The following LOC122539214 variants were observed in gnomAD, a reference collection of about 807,000 sequenced individuals.
the LOC122539214 span, among the ~76,000 whole-genome samples, chr19:52,676,774 C>T: frequency 1.4e-5 from 2 of 139,112 alleles, no homozygotes; most frequent in African/African-American, 5.6e-5. Flanking sequence ...TCATTTTGTT[C>T]TGCACTAAGA....
At chr19:52,676,916 T>C in the LOC122539214 span, among the ~76,000 whole-genome samples, 2 of 137,830 alleles carry the variant, frequency 1.5e-5, no homozygotes, top group Non-Finnish European at 3.1e-5. Flanking sequence ...GTTAAACAGA[T>C]GCTTGAAGGC....
the LOC122539214 span, chr19:52,652,081 C>T: frequency 5.0e-5 from 12 of 239,634 alleles, no homozygotes; most frequent in South Asian, 7.4e-4. Flanking sequence ...CACACCTATT[C>T]CATTTGTAAG....
chr19:52,688,309 T>C, the LOC122539214 span, among the ~76,000 whole-genome samples: 1 of 151,732 alleles, frequency 6.6e-6, no homozygotes, highest in East Asian at 1.9e-4. Flanking sequence ...TAGCTGGGAT[T>C]ACAGGTGCGC....
chr19:52,650,619 T>A, the LOC122539214 span: 1 of 152,206 alleles, frequency 6.6e-6, no homozygotes, highest in African/African-American at 2.4e-5. Context: ...TTGTGCCCTC[T>A]AATATAAATT....
the LOC122539214 span, among the ~76,000 whole-genome samples, chr19:52,659,930 C>T: frequency 5.3e-5 from 8 of 152,232 alleles, no homozygotes; most frequent in East Asian, 9.7e-4. Context: ...CGGTAACTCA[C>T]GCCTGTAATC....
chr19:52,650,997 T>C, the LOC122539214 span: 1 of 152,196 alleles, frequency 6.6e-6, no homozygotes, highest in Admixed American at 6.5e-5. Context: ...CCTTAGAAGG[T>C]AGATTAGGTT....
At chr19:52,659,969 G>T in the LOC122539214 span, among the ~76,000 whole-genome samples, 148 of 152,242 alleles carry the variant, frequency 9.7e-4, 1 homozygote, top group African/African-American at 3.4e-3. Context: ...GAGGCGGGCA[G>T]ATCATGAGGT....
the LOC122539214 span, among the ~76,000 whole-genome samples, chr19:52,673,368 TG>T: frequency 6.6e-6 from 1 of 152,102 alleles, no homozygotes; most frequent in East Asian, 1.9e-4. Flanking sequence ...CCGAGGGTGA[TG>T]GCGCATGCCT....
the LOC122539214 span, among the ~76,000 whole-genome samples, chr19:52,682,318 A>G: frequency 1.3e-5 from 2 of 152,190 alleles, no homozygotes; most frequent in Non-Finnish European, 2.9e-5. Flanking sequence ...TCAGTAGATC[A>G]AGGCTATAGT....
chr19:52,673,320 C>A, the LOC122539214 span, among the ~76,000 whole-genome samples: 12 of 152,266 alleles, frequency 7.9e-5, no homozygotes, highest in East Asian at 2.3e-3. Context: ...GCCTGACCAA[C>A]ATGGTATAAC....
the LOC122539214 span, among the ~76,000 whole-genome samples, chr19:52,684,259 G>A: frequency 2.6e-4 from 39 of 151,962 alleles, no homozygotes; most frequent in Admixed American, 2.5e-3. Context: ...CCAGCTACTC[G>A]GGAGGCTGAG....
the LOC122539214 span, among the ~76,000 whole-genome samples, chr19:52,669,472 C>T: frequency 6.6e-6 from 1 of 152,160 alleles, no homozygotes; most frequent in Non-Finnish European, 1.5e-5. Flanking sequence ...CAATTAGGGG[C>T]TACCAGCCAG....
At chr19:52,686,483 A>ACC in the LOC122539214 span, among the ~76,000 whole-genome samples, 3 of 123,280 alleles carry the variant, frequency 2.4e-5, no homozygotes, top group Non-Finnish European at 5.1e-5. Flanking sequence ...TATATATATA[A>ACC]ATAAATGAGA....
the LOC122539214 span, among the ~76,000 whole-genome samples, chr19:52,672,865 C>T: frequency 5.9e-5 from 9 of 151,810 alleles, no homozygotes; most frequent in East Asian, 3.9e-4. Context: ...CATGAGCCAC[C>T]GTGCATGGCA....
At chr19:52,667,780 A>G in the LOC122539214 span, among the ~76,000 whole-genome samples, 29 of 152,292 alleles carry the variant, frequency 1.9e-4, no homozygotes, top group African/African-American at 6.5e-4. Context: ...AGAGTCTATA[A>G]AAATCTTACC....
chr19:52,682,485 A>G, the LOC122539214 span, among the ~76,000 whole-genome samples: 1 of 152,126 alleles, frequency 6.6e-6, no homozygotes, highest in African/African-American at 2.4e-5. Flanking sequence ...AGCCTGGCCA[A>G]CATGGTGAAA....
the LOC122539214 span, among the ~76,000 whole-genome samples, chr19:52,665,381 C>T: frequency 2.6e-5 from 4 of 151,842 alleles, no homozygotes; most frequent in African/African-American, 9.7e-5. Flanking sequence ...AGACCCTCTA[C>T]CCCAGAGTTC....
At chr19:52,668,506 A>G in the LOC122539214 span, among the ~76,000 whole-genome samples, 1 of 152,126 alleles carries the variant, frequency 6.6e-6, no homozygotes, top group Non-Finnish European at 1.5e-5. Context: ...ACTGGAAAGG[A>G]TCCTATAGGC....
the LOC122539214 span, among the ~76,000 whole-genome samples, chr19:52,671,536 G>T: frequency 6.6e-6 from 1 of 151,836 alleles, no homozygotes; most frequent in South Asian, 2.1e-4. Flanking sequence ...CTCAACCTCT[G>T]GTGCTCAAGC....
Sources: allele counts gnomAD v4.1 joint callset (sites outside exome capture counted in the v4.1 genomes callset), GRCh38; gene constraint gnomAD v4.1.1; transcripts MANE v1.5.